The following EDNRA variants were observed in gnomAD, a reference collection of about 807,000 sequenced individuals.
EDNRA encodes the protein endothelin receptor type A.
Under a neutral mutation model 41.4 loss-of-function variants are expected in EDNRA, and 11 were observed. The ratio of observed to expected loss-of-function variants is 0.27; its 90% CI spans 0.17 to 0.44. The LOEUF (loss-of-function observed/expected upper bound fraction) is 0.44. EDNRA is among the 20% of genes least tolerant of loss of function. The pLI, the probability that EDNRA is intolerant of heterozygous loss-of-function variation, is 1.00. For missense variants in EDNRA, 294 were observed against 531.0 expected, an observed-to-expected ratio of 0.55 and a Z score of 4.39; for synonymous variants, 172 against 183.0, an observed-to-expected ratio of 0.94 and a Z score of 0.49.
chr4:147,509,559 G>T (rs753319043), intron 2 of EDNRA, among the ~76,000 whole-genome samples: 10 of 151,938 alleles, frequency 6.6e-5, no homozygotes, highest in Non-Finnish European at 1.0e-4. Flanking sequence ...GGAGGTGAGT[G>T]GCAGGCAAGC....
rs186125189 is a variant in EDNRA at position 147,505,848 on chromosome 4, C to T, written c.421-14003C>T. 4.6e-5 allele frequency among the ~76,000 whole-genome samples: 7 copies of T among 152,016 alleles called. No individual in the cohort carries two copies. In the East Asian group the frequency reaches 1.4e-3, roughly 30 times the overall value. ...CATTCTTAGTAGAGACGGGGTTTCA[C>T]CGTGTCAGCCAGGATGGTCTCAATC... On this transcript the variant is annotated intron_variant, in intron 2 of 7. Transcript: ENST00000651419.
intron 2 of EDNRA, among the ~76,000 whole-genome samples, chr4:147,505,327 ATTTT>A (rs869077171): frequency 0.012 from 991 of 79,574 alleles, 6 homozygotes; most frequent in African/African-American, 0.017. Flanking sequence ...TTCTTTTTTC[ATTTT>A]TTTTTTTTTT....
intron 3 of EDNRA, among the ~76,000 whole-genome samples, chr4:147,526,809 T>G (rs1258318006): frequency 3.9e-5 from 6 of 152,126 alleles, no homozygotes; most frequent in Admixed American, 3.9e-4. Context: ...AATTAGCCTG[T>G]CATGGTGGTG....
intron 2 of EDNRA, among the ~76,000 whole-genome samples, chr4:147,511,558 C>A (rs542060080): frequency 6.6e-6 from 1 of 152,284 alleles, no homozygotes; most frequent in African/African-American, 2.4e-5. Context: ...TTCTTCAGAA[C>A]TTATACATTA....
rs59851236 is a variant in EDNRA at position 147,532,325 on chromosome 4, C to CAAAAAAAAAA, written c.549-165_549-156dup. On this transcript the variant is annotated intron_variant, in intron 3 of 7. Transcript: ENST00000651419. ...TGAGCAACAGAGCGAGATTTTGCCT[C>CAAAAAAAAAA]AAAAAAAAAAAAAAAAAAAAAAAAA... Among the ~76,000 whole-genome samples the CAAAAAAAAAA allele has an allele frequency of 1.4e-3, 85 of 60,392 alleles. 3 individuals are homozygous for CAAAAAAAAAA. Among genetic ancestry groups the CAAAAAAAAAA allele is most frequent in the African/African-American group, 5.0e-3 (80 of 15,950 alleles). 39.6% of individuals were successfully genotyped at this position (60,392 alleles called of 152,430 possible). A position where few individuals can be genotyped will look rare whatever the true frequency, so the allele number is the denominator to read the frequency against.
intron 5 of EDNRA, among the ~76,000 whole-genome samples, chr4:147,536,333 C>G (rs113544839): frequency 6.6e-6 from 1 of 152,038 alleles, no homozygotes; most frequent in African/African-American, 2.4e-5. Context: ...GAAACTGTAC[C>G]AGGACACAAA....
intron 7 of EDNRA, 92 bp from the exon 8 acceptor site, chr4:147,542,386 T>C: frequency 6.4e-7 from 1 of 1,551,168 alleles, no homozygotes; most frequent in Non-Finnish European, 8.7e-7. Flanking sequence ...CGAATGGACA[T>C]TTGCCCCTCA....
chr4:147,496,841 A>C (rs574522960), intron 2 of EDNRA, among the ~76,000 whole-genome samples: 25 of 152,228 alleles, frequency 1.6e-4, no homozygotes, highest in Non-Finnish European at 3.2e-4. Flanking sequence ...AAAGATGGGC[A>C]TTATTAAGTA....
intron 2 of EDNRA, among the ~76,000 whole-genome samples, chr4:147,498,820 A>G (rs1382899723): frequency 6.6e-6 from 1 of 152,082 alleles, no homozygotes; most frequent in Non-Finnish European, 1.5e-5. Context: ...TCCCAGGCTT[A>G]TCTTGAACTC....
intron 2 of EDNRA, chr4:147,495,072 T>G (rs1729261844): frequency 6.6e-6 from 1 of 152,228 alleles, no homozygotes; most frequent in Non-Finnish European, 1.5e-5. Context: ...GTTTACTCTA[T>G]GCCAAGCTAA....
chr4:147,505,327 A>T (rs991045427), intron 2 of EDNRA, among the ~76,000 whole-genome samples: 1,058 of 79,540 alleles, frequency 0.013, 25 homozygotes, highest in African/African-American at 0.046. Context: ...TTCTTTTTTC[A>T]TTTTTTTTTT....
intron 2 of EDNRA, chr4:147,506,342 G>T: frequency 2.4e-6 from 1 of 424,666 alleles, no homozygotes; most frequent in South Asian, 1.9e-5. Context: ...AGCTGTCTTC[G>T]GAAGGAATAG....
chr4:147,522,548 A>G (rs890998496), intron 3 of EDNRA, among the ~76,000 whole-genome samples: 1 of 152,102 alleles, frequency 6.6e-6, no homozygotes, highest in Non-Finnish European at 1.5e-5. Context: ...TGTCTCAAAA[A>G]AAAAAAAAAA....
intron 2 of EDNRA, among the ~76,000 whole-genome samples, chr4:147,496,474 T>G (rs570891328): frequency 6.6e-6 from 1 of 152,250 alleles, no homozygotes; most frequent in African/African-American, 2.4e-5. Flanking sequence ...AAATGTAGCA[T>G]ACACATAGAA....
At chr4:147,497,149 CTTTTTTTTTTTTTTTT>C (rs11330586) in intron 2 of EDNRA, among the ~76,000 whole-genome samples, 30 of 75,056 alleles carry the variant, frequency 4.0e-4, no homozygotes, top group African/African-American at 1.5e-3. Context: ...TAGAATTCTT[CTTTTTTTTTTTTTTTT>C]TTTTTTTTTT....
At chr4:147,509,424 T>C (rs1353921238) in intron 2 of EDNRA, among the ~76,000 whole-genome samples, 2 of 152,182 alleles carry the variant, frequency 1.3e-5, no homozygotes, top group Non-Finnish European at 2.9e-5. Context: ...CAAGGAAGGT[T>C]CCCAGGGTTC....
intron 5 of EDNRA, among the ~76,000 whole-genome samples, chr4:147,536,741 G>A (rs1304614616): frequency 6.6e-6 from 1 of 152,200 alleles, no homozygotes; most frequent in Non-Finnish European, 1.5e-5. Context: ...AGGACCCAAA[G>A]TTCTAGAAGG....
chr4:147,507,493 A>G (rs893285943), intron 2 of EDNRA, among the ~76,000 whole-genome samples: 7 of 152,226 alleles, frequency 4.6e-5, no homozygotes, highest in African/African-American at 1.7e-4. Flanking sequence ...TGATAGAGTT[A>G]TAGAGATGGA....
At chr4:147,533,439 C>A (rs1293047345) in intron 4 of EDNRA, among the ~76,000 whole-genome samples, 2 of 152,168 alleles carry the variant, frequency 1.3e-5, no homozygotes, top group African/African-American at 4.8e-5. Flanking sequence ...ATAACTATTT[C>A]TCTTAAATCA....
Sources: gnomAD v4.1 joint callset for allele counts (sites outside exome capture counted in the v4.1 genomes callset) on GRCh38, gnomAD v4.1.1 for gene constraint, MANE v1.5 for transcripts, NCBI Gene and HGNC (gene_info 2026-07-23, HGNC 2026-07-21) for gene names.